The following CACNA2D3 variants were observed in gnomAD, a reference collection of about 807,000 sequenced individuals.
The protein encoded by CACNA2D3 is calcium voltage-gated channel auxiliary subunit alpha2delta 3, also known as voltage-dependent calcium channel subunit alpha-2/delta-3.
Under a neutral mutation model 160.6 loss-of-function variants are expected in CACNA2D3, and 60 were observed. That is an observed-to-expected ratio of 0.37 (90% confidence interval 0.30 to 0.46). CACNA2D3 has a LOEUF of 0.46. Among genes scored for constraint, CACNA2D3 ranks in the 20% least tolerant of loss-of-function variants. CACNA2D3 has a pLI of 1.00. For missense variants in CACNA2D3, 1,205 were observed against 1,365.0 expected (o/e 0.88, Z 1.85); for synonymous variants, 558 against 492.9 (o/e 1.13, Z -1.75).
rs76501970 is a variant in CACNA2D3, at chr3:54,130,449, C to T, written c.204+6855C>T. On this transcript the variant is annotated intron_variant, in intron 2 of 37. Transcript: ENST00000474759. Reference sequence around the variant, plus strand: ...TTTATCTTTTCTGTGTGCATTTCCACCGTGGCCCTGGGCAAATTGCTTAAT... The same window carrying T: ...TTTATCTTTTCTGTGTGCATTTCCATCGTGGCCCTGGGCAAATTGCTTAAT... Among the ~76,000 whole-genome samples, 59 of 152,308 alleles carry T rather than the reference C, an allele frequency of 3.9e-4. 1 individual carries two copies. Among genetic ancestry groups the T allele is most frequent in the Middle Eastern group, 6.8e-3 (2 of 294 alleles).
At chr3:54,906,146 A>G (rs972664476) in intron 27 of CACNA2D3, among the ~76,000 whole-genome samples, 11 of 152,012 alleles carry the variant, frequency 7.2e-5, no homozygotes, top group African/African-American at 1.7e-4. Flanking sequence ...GTTGCTGCCA[A>G]TGGAGAGCTT....
At chr3:54,893,892 C>T (rs1469715167) in intron 25 of CACNA2D3, among the ~76,000 whole-genome samples, 1 of 152,068 alleles carries the variant, frequency 6.6e-6, no homozygotes, top group Non-Finnish European at 1.5e-5. Flanking sequence ...GACCACTTTA[C>T]CCCTGCCCTT....
chr3:54,414,203 A>G (rs1161808693), intron 4 of CACNA2D3, among the ~76,000 whole-genome samples: 2 of 152,034 alleles, frequency 1.3e-5, no homozygotes, highest in Non-Finnish European at 2.9e-5. Flanking sequence ...TGAGAACAAC[A>G]TTGACTTATT....
intron 27 of CACNA2D3, among the ~76,000 whole-genome samples, chr3:54,924,229 A>G (rs1185491617): frequency 6.6e-6 from 1 of 152,208 alleles, no homozygotes; most frequent in African/African-American, 2.4e-5. Flanking sequence ...AGAGAAAAAT[A>G]TCCCAGAGAG....
chr3:54,819,105 G>C (rs1426105128), intron 14 of CACNA2D3, among the ~76,000 whole-genome samples: 2 of 134,280 alleles, frequency 1.5e-5, no homozygotes, highest in Admixed American at 8.9e-5. Flanking sequence ...AGAGGCCTTT[G>C]CCAGAAGAAT....
chr3:54,969,808 C>G lies in CACNA2D3; in HGVS notation c.2520C>G (p.Ser840=), dbSNP rs1037124845. The change falls in exon 29 of 38, where the codon TCC becomes TCG. Residue 840 remains serine, a synonymous_variant. Coordinates refer to ENST00000474759, the MANE Select transcript of CACNA2D3 (RefSeq NM_018398.3). ...ACTTTTTGCCTTCACAGTGTGCTTC[C>G]CTGGATGGCAAATGCTCCATCAGCT... ...KFWTASRQCA[S]LDGKCSISCD... is the part of the protein sequence containing the mutation. 2 of 1,612,696 alleles carry G rather than the reference C, an allele frequency of 1.2e-6. No individual in the cohort carries two copies. The highest frequency in any genetic ancestry group is 1.7e-6 in the Non-Finnish European group (2 of 1,179,306).
chr3:55,057,854 A>C (rs1188526860), intron 35 of CACNA2D3, among the ~76,000 whole-genome samples: 1 of 152,000 alleles, frequency 6.6e-6, no homozygotes, highest in African/African-American at 2.4e-5. Context: ...CTTGTGAGAG[A>C]TTTTTTTCCT....
intron 4 of CACNA2D3, among the ~76,000 whole-genome samples, chr3:54,393,431 G>A (rs1358794695): frequency 6.6e-6 from 1 of 152,158 alleles, no homozygotes. Context: ...GGTGCAGTTA[G>A]CCACAGCACC....
intron 8 of CACNA2D3, among the ~76,000 whole-genome samples, chr3:54,578,367 CATCGTT>C (rs1331065918): frequency 6.6e-6 from 1 of 152,180 alleles, no homozygotes; most frequent in African/African-American, 2.4e-5. Flanking sequence ...TCTTCTACAA[CATCGTT>C]TCACAAAATA....
At chr3:54,739,751 ATGTGTG>A (rs5849058) in intron 11 of CACNA2D3, among the ~76,000 whole-genome samples, 3,962 of 145,894 alleles carry the variant, frequency 0.027, 130 homozygotes, top group African/African-American at 0.075. Flanking sequence ...CTCCTCATAT[ATGTGTG>A]TGTGTGTGTG....
intron 4 of CACNA2D3, among the ~76,000 whole-genome samples, chr3:54,439,740 G>C (rs755679899): frequency 6.6e-6 from 1 of 152,052 alleles, no homozygotes; most frequent in Non-Finnish European, 1.5e-5. Context: ...GCTTGCCCTT[G>C]ACCTCTAGGA....
chr3:54,918,931 G>A, intron 27 of CACNA2D3: 1 of 1,463,530 alleles, frequency 6.8e-7, no homozygotes, highest in Non-Finnish European at 9.1e-7. Flanking sequence ...ACAAAGCCTT[G>A]ATACAACAGA....
intron 27 of CACNA2D3, among the ~76,000 whole-genome samples, chr3:54,903,631 A>G (rs1700389395): frequency 6.6e-6 from 1 of 152,196 alleles, no homozygotes; most frequent in African/African-American, 2.4e-5. Context: ...AGGAATCGCA[A>G]CACTGTTTTC....
At chr3:54,615,445 C>T (rs1358204748) in intron 9 of CACNA2D3, among the ~76,000 whole-genome samples, 2 of 152,174 alleles carry the variant, frequency 1.3e-5, no homozygotes, top group South Asian at 2.1e-4. Flanking sequence ...AATCTGGATT[C>T]TGGAATGCTC....
intron 13 of CACNA2D3, among the ~76,000 whole-genome samples, chr3:54,769,919 G>A (rs1702288944): frequency 3.3e-5 from 5 of 152,052 alleles, no homozygotes; most frequent in Admixed American, 2.0e-4. Context: ...TCTGGGGGTG[G>A]GTGCCTGGGT....
At chr3:54,201,068 C>G (rs1701169409) in intron 2 of CACNA2D3, among the ~76,000 whole-genome samples, 1 of 152,180 alleles carries the variant, frequency 6.6e-6, no homozygotes, top group African/African-American at 2.4e-5. Context: ...ATGAGACGCT[C>G]TGTAAATGTG....
intron 13 of CACNA2D3, among the ~76,000 whole-genome samples, chr3:54,776,329 GAGA>G (rs1485558387): frequency 2.0e-5 from 3 of 152,094 alleles, no homozygotes; most frequent in Admixed American, 6.6e-5. Context: ...GCAACATAGT[GAGA>G]CCCCCTGTCG....
chr3:55,002,540 G>C (rs1385805418), intron 31 of CACNA2D3, among the ~76,000 whole-genome samples: 1 of 152,206 alleles, frequency 6.6e-6, no homozygotes, highest in Non-Finnish European at 1.5e-5. Context: ...AATGGTGAGA[G>C]CGTTTCTGTG....
At chr3:54,965,330 C>T (rs1198468233) in intron 27 of CACNA2D3, among the ~76,000 whole-genome samples, 1 of 152,192 alleles carries the variant, frequency 6.6e-6, no homozygotes, top group East Asian at 1.9e-4. Flanking sequence ...CCATTCTTCT[C>T]AAGCCTCCAA....
Sources: allele counts gnomAD v4.1 joint callset (sites outside exome capture counted in the v4.1 genomes callset), GRCh38; gene constraint gnomAD v4.1.1; transcripts MANE v1.5; gene names NCBI Gene and HGNC (gene_info 2026-07-23, HGNC 2026-07-21).